The following CDS2 variants were observed in gnomAD, a reference collection of about 807,000 sequenced individuals.
The protein encoded by CDS2 is CDP-diacylglycerol synthase 2.
CDS2 carries 47 observed loss-of-function variants against 59.0 expected under a neutral mutation model. That is an observed-to-expected ratio of 0.80 (90% confidence interval 0.63 to 1.02). The LOEUF is 1.02. Ranked by LOEUF, CDS2 falls within the 50% of genes least tolerant of loss-of-function variation. The pLI is 0.00. For synonymous variants in CDS2, 207 were observed against 206.4 expected (o/e 1.00, Z -0.02); for missense variants, 356 against 558.9 (o/e 0.64, Z 3.66).
chr20:5,187,912 T>G (rs2091082027), intron 10 of CDS2: 1 of 150,908 alleles, frequency 6.6e-6, no homozygotes, highest in Non-Finnish European at 1.5e-5. Flanking sequence ...GAAAAATGAC[T>G]GACAGTAATT....
At chr20:5,149,229 C>T (rs139730755) in intron 1 of CDS2, among the ~76,000 whole-genome samples, 8 of 151,946 alleles carry the variant, frequency 5.3e-5, no homozygotes, top group East Asian at 1.9e-4. Flanking sequence ...TTCTCGTGGC[C>T]GTTTTATTTT....
intron 1 of CDS2, among the ~76,000 whole-genome samples, chr20:5,170,345 CTG>C (rs1302752199): frequency 6.6e-6 from 1 of 152,224 alleles, no homozygotes; most frequent in Admixed American, 6.5e-5. Flanking sequence ...TCCAGACCCT[CTG>C]TGGAAGCTGC....
chr20:5,162,170 A>G (rs1201544782), intron 1 of CDS2, among the ~76,000 whole-genome samples: 2 of 152,174 alleles, frequency 1.3e-5, no homozygotes, highest in Non-Finnish European at 1.5e-5. Flanking sequence ...AGATAGGGAG[A>G]TAAGAATTAA....
At chr20:5,170,923 A>G (rs2090951796) in intron 1 of CDS2, among the ~76,000 whole-genome samples, 1 of 152,268 alleles carries the variant, frequency 6.6e-6, no homozygotes, top group African/African-American at 2.4e-5. Context: ...ATCAGAGAGT[A>G]CTATAAACAC....
rs1270921596 is a variant in CDS2, at chr20:5,192,539, C to T, written c.*2305C>T. On this transcript the variant is annotated 3_prime_UTR_variant, in exon 13 of 13. Coordinates refer to ENST00000460006, the MANE Select transcript of CDS2 (RefSeq NM_003818.4). ...TCCATATAGCACAATGTTTCTCTTT[C>T]CTATTCACAGACAAGATTCAAGAAA... 1 of 152,228 alleles carries T rather than the reference C, an allele frequency of 6.6e-6. No homozygotes were observed. The highest frequency in any genetic ancestry group is 1.5e-5 in the Non-Finnish European group (1 of 68,086). The allele number at this position is 152,228 out of a possible 1,614,324, so 9.4% of individuals were successfully genotyped here. A position where few individuals can be genotyped will look rare whatever the true frequency, so the allele number is the denominator to read the frequency against.
rs1165511779 is a variant in CDS2 at position 5,192,154 on chromosome 20, A to T, written c.*1920A>T. ...GAATGAACCTGGATCACCAAACTAG[A>T]TACCGAAAGGGCTCCTCATTTGTCT... On this transcript the variant is annotated 3_prime_UTR_variant, in exon 13 of 13. Coordinates refer to ENST00000460006, the MANE Select transcript of CDS2 (RefSeq NM_003818.4). The T allele has an allele frequency of 6.6e-6, 1 of 152,230 alleles. No homozygotes were observed. The highest frequency in any genetic ancestry group is 1.5e-5 in the Non-Finnish European group (1 of 68,068). The allele number at this position is 152,230 out of a possible 1,614,324, so 9.4% of individuals were successfully genotyped here. A position where few individuals can be genotyped will look rare whatever the true frequency, so the allele number is the denominator to read the frequency against.
intron 8 of CDS2, 150 bp from the exon 9 acceptor site, chr20:5,185,608 A>G (rs2091061820): frequency 1.6e-6 from 1 of 639,770 alleles, no homozygotes. Flanking sequence ...AAGATAGGGA[A>G]CAAGGAAACC....
At chr20:5,144,951 A>G (rs1010743000) in intron 1 of CDS2, among the ~76,000 whole-genome samples, 3 of 152,136 alleles carry the variant, frequency 2.0e-5, no homozygotes, top group Non-Finnish European at 4.4e-5. Flanking sequence ...ATCACAGTTT[A>G]ATGCCCAGTA....
At chr20:5,188,827 C>G (rs1033091519) in intron 10 of CDS2, among the ~76,000 whole-genome samples, 8 of 152,156 alleles carry the variant, frequency 5.3e-5, no homozygotes, top group African/African-American at 1.9e-4. Flanking sequence ...TTCATCACTT[C>G]ATAACAACCC....
intron 1 of CDS2, among the ~76,000 whole-genome samples, chr20:5,152,971 C>G (rs547898961): frequency 1.3e-5 from 2 of 152,288 alleles, no homozygotes; most frequent in South Asian, 4.1e-4. Context: ...AGGTTCTCAT[C>G]TGTAAAAGGT....
chr20:5,151,213 TAGTATC>T (rs2090786582), intron 1 of CDS2, among the ~76,000 whole-genome samples: 1 of 152,226 alleles, frequency 6.6e-6, no homozygotes, highest in African/African-American at 2.4e-5. Context: ...ATGATATACT[TAGTATC>T]AGTCCCAATA....
intron 1 of CDS2, among the ~76,000 whole-genome samples, chr20:5,160,387 C>T (rs576890407): frequency 2.6e-4 from 40 of 152,240 alleles, no homozygotes; most frequent in African/African-American, 9.1e-4. Flanking sequence ...GGGGTTCTAG[C>T]CCCCTCCTCA....
intron 1 of CDS2, among the ~76,000 whole-genome samples, chr20:5,161,690 C>T (rs1353202628): frequency 6.6e-6 from 1 of 152,166 alleles, no homozygotes; most frequent in African/African-American, 2.4e-5. Flanking sequence ...AATAATTTTT[C>T]CTTGTTAGGG....
At chr20:5,154,097 T>A (rs1403699010) in intron 1 of CDS2, among the ~76,000 whole-genome samples, 1 of 152,170 alleles carries the variant, frequency 6.6e-6, no homozygotes, top group African/African-American at 2.4e-5. Flanking sequence ...ATGTCTCCCT[T>A]AGGCTCCAGA....
intron 6 of CDS2, among the ~76,000 whole-genome samples, chr20:5,182,833 A>C (rs954384029): frequency 6.6e-6 from 1 of 152,212 alleles, no homozygotes; most frequent in Non-Finnish European, 1.5e-5. Context: ...AAAATGAAAA[A>C]TACCCAGGCT....
In CDS2 at chr20:5,178,880, C is replaced by T. The variant is rs368516080; in HGVS notation, c.453C>T (p.Thr151=). Residue 151 remains threonine (T), a synonymous_variant, in exon 5 of 13, where the codon ACC becomes ACT. Coordinates refer to ENST00000460006, the MANE Select transcript of CDS2 (RefSeq NM_003818.4). ...AGACAGTGACGGATTACTTCTTCAC[C>T]CTGGTCCAGAGAGAAGAGCCTTTGC... ...YGETVTDYFF[T]LVQREEPLRI... 37 of 1,613,296 alleles carry T rather than the reference C, an allele frequency of 2.3e-5. No homozygotes were observed. Among genetic ancestry groups the T allele is most frequent in the Non-Finnish European group, 5.1e-6 (6 of 1,179,340 alleles).
At chr20:5,132,138 C>T (rs1469760270) in intron 1 of CDS2, among the ~76,000 whole-genome samples, 1 of 151,564 alleles carries the variant, frequency 6.6e-6, no homozygotes, top group African/African-American at 2.4e-5. Context: ...CGCTGTGCCA[C>T]CCAGGCTAGA....
At chr20:5,172,178 C>T (rs1272390795) in intron 1 of CDS2, among the ~76,000 whole-genome samples, 1 of 152,126 alleles carries the variant, frequency 6.6e-6, no homozygotes, top group African/African-American at 2.4e-5. Flanking sequence ...ATAATGAGAA[C>T]AAGAAGTTAT....
rs761838867 is a variant in CDS2 at position 5,186,751 on chromosome 20, A to G, written c.893A>G (p.Asn298Ser). Residue 298 changes from asparagine to serine, a missense_variant, in exon 10 of 13, where the codon AAC (asparagine) becomes AGC (serine). This residue lies in a region of CDS2 where 88 missense variants were observed against 103.6 expected (regional missense o/e 0.85). Transcript: ENST00000460006. ...VCPVEYNNDTNSFTVDCEPSD... is the reference protein window; with the variant it reads ...VCPVEYNNDTSSFTVDCEPSD... The stretch of plus-strand genomic sequence containing the variant: ...CCTGTGGAGTACAACAATGACACCA[A>G]CAGCTTCACTGTGGACTGTGAGCCC... 15 of 1,614,082 alleles carry G rather than the reference A, an allele frequency of 9.3e-6. No homozygotes were observed. Among genetic ancestry groups the G allele is most frequent in the South Asian group, 3.3e-5 (3 of 91,072 alleles).
Sources: gnomAD v4.1 joint callset for allele counts (sites outside exome capture counted in the v4.1 genomes callset) on GRCh38, gnomAD v4.1.1 for gene constraint, gnomAD v4.1.1 regional missense constraint, MANE v1.5 for transcripts, NCBI Gene and HGNC (gene_info 2026-07-23, HGNC 2026-07-21) for gene names.